Variants in NRG3 observed in about 807,000 individuals in gnomAD.
The protein encoded by NRG3 is neuregulin 3.
In NRG3, 31 loss-of-function variants were observed where a neutral mutation model predicts 66.9. The observed-to-expected ratio is 0.46, with a 90% CI of 0.35 to 0.63. The LOEUF is 0.63. Ranked by LOEUF, NRG3 falls within the 20% of genes least tolerant of loss-of-function variation. The pLI is 0.00. For synonymous variants in NRG3, 393 were observed against 359.4 expected (o/e 1.09, Z -1.06); for missense variants, 910 against 878.9 (o/e 1.04, Z -0.45).
intron 4 of NRG3, among the ~76,000 whole-genome samples, chr10:82,907,738 G>C (rs367856272): frequency 4.9e-4 from 75 of 151,980 alleles, no homozygotes; most frequent in African/African-American, 1.8e-3. Flanking sequence ...TAATTCCACA[G>C]GTATTTTTTA....
chr10:81,968,832 C>T (rs2059824768), intron 1 of NRG3, among the ~76,000 whole-genome samples: 1 of 152,168 alleles, frequency 6.6e-6, no homozygotes, highest in African/African-American at 2.4e-5. Context: ...CCACCTGCAC[C>T]TTCTCTTCTG....
chr10:82,048,573 C>G (rs1027439846), intron 1 of NRG3, among the ~76,000 whole-genome samples: 15 of 149,414 alleles, frequency 1.0e-4, no homozygotes, highest in African/African-American at 3.7e-4. Context: ...CACAACATAC[C>G]AGAATCTCTG....
chr10:82,978,660 C>T (rs562756248), intron 7 of NRG3, among the ~76,000 whole-genome samples: 9 of 152,138 alleles, frequency 5.9e-5, no homozygotes, highest in Non-Finnish European at 1.3e-4. Context: ...TTAAGTTCAC[C>T]TCTTACCTTG....
intron 1 of NRG3, among the ~76,000 whole-genome samples, chr10:81,893,588 G>C (rs1368290640): frequency 6.6e-6 from 1 of 152,118 alleles, no homozygotes; most frequent in East Asian, 1.9e-4. Context: ...CCTGATCGTC[G>C]TAGGTGTTTG....
intron 2 of NRG3, among the ~76,000 whole-genome samples, chr10:82,425,677 G>T (rs1200933620): frequency 6.6e-6 from 1 of 152,108 alleles, no homozygotes; most frequent in African/African-American, 2.4e-5. Context: ...TGGATAATAA[G>T]AACTGAGAAC....
intron 3 of NRG3, among the ~76,000 whole-genome samples, chr10:82,812,876 C>G (rs896749811): frequency 3.3e-5 from 5 of 152,052 alleles, no homozygotes; most frequent in African/African-American, 9.7e-5. Context: ...AGAAGATAAC[C>G]AGACAAAATT....
chr10:82,654,007 G>A (rs891767999), intron 2 of NRG3, among the ~76,000 whole-genome samples: 5 of 152,164 alleles, frequency 3.3e-5, no homozygotes, highest in African/African-American at 1.2e-4. Flanking sequence ...ATTTGTAGCT[G>A]AAAAGTAAGC....
chr10:82,135,107 G>A (rs2069230215), intron 1 of NRG3, among the ~76,000 whole-genome samples: 1 of 148,346 alleles, frequency 6.7e-6, no homozygotes, highest in Non-Finnish European at 1.5e-5. Flanking sequence ...ACCAGTGTGA[G>A]TGGGACTCCC....
chr10:81,987,698 A>G lies in NRG3; in HGVS notation c.823+111535A>G, dbSNP rs1411632159. 2.0e-5 allele frequency among the ~76,000 whole-genome samples: 3 copies of G among 152,348 alleles called. No individual in the cohort carries two copies. In the South Asian group the frequency reaches 6.2e-4, roughly 32 times the overall value. On this transcript the variant is annotated intron_variant, in intron 1 of 8. Coordinates refer to ENST00000372141, the MANE Select transcript of NRG3 (RefSeq NM_001010848.4). ...TATATGAGTTACAATTGAGAGAGCA[A>G]AATATGTGACTAGGAAATTATCAGA... is the stretch of plus-strand genomic sequence containing the variant.
chr10:82,427,324 C>T (rs528922064), intron 2 of NRG3, among the ~76,000 whole-genome samples: 10 of 152,048 alleles, frequency 6.6e-5, no homozygotes, highest in East Asian at 1.9e-4. Flanking sequence ...TTTTCATAAA[C>T]GCTCCTTATG....
At position 82,368,759 on chromosome 10, in the gene NRG3, T is replaced by G. The variant is rs180849737; in HGVS notation, c.953+9891T>G. Among the ~76,000 whole-genome samples, 20 of 138,886 alleles carry G rather than the reference T, an allele frequency of 1.4e-4. 6 individuals are homozygous for G. Among genetic ancestry groups the G allele is most frequent in the African/African-American group, 6.0e-4 (18 of 30,184 alleles). The allele number at this position is 138,886 out of a possible 152,430, so 91.1% of individuals were successfully genotyped here. On this transcript the variant is annotated intron_variant, in intron 2 of 8. Transcript: ENST00000372141. Reference sequence around the variant, plus strand: ...TGGATTATGGATTATTTCACCAAATTTATTTTAAAAATTAAGAACATATCC... The same window carrying G: ...TGGATTATGGATTATTTCACCAAATGTATTTTAAAAATTAAGAACATATCC...
At chr10:82,705,888 C>A (rs1166080550) in intron 2 of NRG3, among the ~76,000 whole-genome samples, 1 of 152,096 alleles carries the variant, frequency 6.6e-6, no homozygotes, top group African/African-American at 2.4e-5. Flanking sequence ...TACTTTCATA[C>A]AATATATGAA....
At chr10:82,191,029 G>A (rs1262876235) in intron 1 of NRG3, among the ~76,000 whole-genome samples, 2 of 152,010 alleles carry the variant, frequency 1.3e-5, no homozygotes, top group Non-Finnish European at 2.9e-5. Flanking sequence ...ATTCAGAACT[G>A]GGTCACATGT....
intron 2 of NRG3, among the ~76,000 whole-genome samples, chr10:82,710,645 T>G (rs1163468840): frequency 6.6e-6 from 1 of 151,166 alleles, no homozygotes; most frequent in African/African-American, 2.4e-5. Context: ...TGTAGAATGC[T>G]ATCTGATTTT....
chr10:82,450,964 CAGGTATTTTTCTAAATT>C (rs1390316283), intron 2 of NRG3, among the ~76,000 whole-genome samples: 1 of 152,152 alleles, frequency 6.6e-6, no homozygotes, highest in Non-Finnish European at 1.5e-5. Flanking sequence ...ATTGGTATCA[CAGGTATTTTTCTAAATT>C]AAAAGCCTTA....
chr10:82,903,042 T>C (rs570051897), intron 4 of NRG3, among the ~76,000 whole-genome samples: 1 of 152,176 alleles, frequency 6.6e-6, no homozygotes, highest in South Asian at 2.1e-4. Context: ...TTAACTACCA[T>C]AAAATATGCA....
At chr10:82,792,354 C>T (rs1295070606) in intron 3 of NRG3, among the ~76,000 whole-genome samples, 1 of 152,062 alleles carries the variant, frequency 6.6e-6, no homozygotes, top group East Asian at 1.9e-4. Flanking sequence ...ATTTATCTTT[C>T]ATTATTCTGC....
intron 1 of NRG3, among the ~76,000 whole-genome samples, chr10:82,137,449 C>T (rs1237744965): frequency 6.6e-6 from 1 of 152,172 alleles, no homozygotes; most frequent in African/African-American, 2.4e-5. Flanking sequence ...CCAGCTAGCA[C>T]ATTTCCTATA....
At chr10:82,485,614 G>A (rs1842621934) in intron 2 of NRG3, among the ~76,000 whole-genome samples, 1 of 151,668 alleles carries the variant, frequency 6.6e-6, no homozygotes. Context: ...GATACCCTAA[G>A]TAAAATGTAA....
Sources: gnomAD v4.1 joint callset for allele counts (sites outside exome capture counted in the v4.1 genomes callset) on GRCh38, gnomAD v4.1.1 for gene constraint, MANE v1.5 for transcripts, NCBI Gene and HGNC (gene_info 2026-07-23, HGNC 2026-07-21) for gene names.